UNC79: variants seen among roughly 807,000 people sequenced by gnomAD.
UNC79 encodes the protein protein unc-79 homolog.
A neutral mutation model predicts 283.1 loss-of-function variants in UNC79; 37 were observed. That is an observed-to-expected ratio of 0.13 (90% CI 0.10 to 0.17). The LOEUF is 0.17. Among genes scored for constraint, UNC79 ranks in the 10% least tolerant of loss-of-function variants. UNC79 has a pLI of 1.00. For synonymous variants in UNC79, 1,107 were observed against 1,200.2 expected (o/e 0.92, Z 1.61); for missense variants, 2,272 against 3,211.1 (o/e 0.71, Z 7.07).
intron 1 of UNC79, among the ~76,000 whole-genome samples, chr14:93,408,825 C>T (rs1186129202): frequency 1.3e-5 from 2 of 152,174 alleles, no homozygotes; most frequent in Non-Finnish European, 2.9e-5. Context: ...GAGGGGAAGA[C>T]AGGGTATATG....
chr14:93,632,800 A>G (rs537978643), intron 31 of UNC79, among the ~76,000 whole-genome samples: 85 of 152,322 alleles, frequency 5.6e-4, no homozygotes, highest in Admixed American at 1.3e-3. Context: ...AAATGAATTT[A>G]CAAATTACAA....
At chr14:93,659,987 C>T (rs1267491360) in intron 39 of UNC79, among the ~76,000 whole-genome samples, 1 of 152,132 alleles carries the variant, frequency 6.6e-6, no homozygotes, top group Non-Finnish European at 1.5e-5. Context: ...ATAGAGCTCT[C>T]TATAGTAGCA....
intron 1 of UNC79, among the ~76,000 whole-genome samples, chr14:93,340,559 A>G (rs2053686058): frequency 1.3e-5 from 2 of 149,496 alleles, no homozygotes; most frequent in African/African-American, 4.9e-5. Context: ...ACAGTTCACT[A>G]TGTAGGAGAA....
chr14:93,630,802 T>C (rs1487994301), exon 31 of UNC79: 1 of 1,613,208 alleles, frequency 6.2e-7, no homozygotes, highest in Non-Finnish European at 8.5e-7. Flanking sequence ...TGTTTGTAGA[T>C]CCTTCTACTA....
At chr14:93,339,483 T>C (rs1468961066) in intron 1 of UNC79, among the ~76,000 whole-genome samples, 2 of 152,158 alleles carry the variant, frequency 1.3e-5, no homozygotes, top group African/African-American at 4.8e-5. Context: ...GTATTTTTAG[T>C]AGAGACGGGA....
At chr14:93,693,189 T>C (rs908925521) in intron 46 of UNC79, among the ~76,000 whole-genome samples, 22 of 152,238 alleles carry the variant, frequency 1.4e-4, no homozygotes, top group African/African-American at 4.3e-4. Flanking sequence ...AGGAAGTTTA[T>C]GTGAAAATCT....
intron 38 of UNC79, among the ~76,000 whole-genome samples, chr14:93,657,689 C>CT (rs1424836311): frequency 2.0e-5 from 3 of 152,322 alleles, no homozygotes; most frequent in African/African-American, 4.8e-5. Flanking sequence ...GCCGATGTGA[C>CT]TGTCAGAAGA....
intron 14 of UNC79, among the ~76,000 whole-genome samples, chr14:93,554,546 T>G (rs1277345596): frequency 6.6e-6 from 1 of 152,154 alleles, no homozygotes; most frequent in East Asian, 1.9e-4. Context: ...CCTTTGCAAA[T>G]TTTTTGTTTA....
At position 93,572,088 on chromosome 14, in the gene UNC79, G is replaced by A. The variant is rs749400850; in HGVS notation, c.1946+4G>A. On this transcript the variant is annotated splice_donor_region_variant and intron_variant, in intron 15 of 48. Coordinates refer to ENST00000555664, the Ensembl canonical transcript of UNC79. ...AAGAATTCAGGGAAGTATTAAGGTG[G>A]GTAAGTAGTTTAATGAAGTCACTGT... The A allele has an allele frequency of 5.3e-5, 85 of 1,612,304 alleles. 2 individuals carry two copies. In the South Asian group the frequency reaches 8.6e-4, roughly 16 times the overall value.
intron 5 of UNC79, among the ~76,000 whole-genome samples, chr14:93,495,035 A>T (rs1237796584): frequency 6.6e-6 from 1 of 152,148 alleles, no homozygotes; most frequent in Non-Finnish European, 1.5e-5. Flanking sequence ...GGGAGAAAGT[A>T]TGTCTCAGAA....
At chr14:93,638,751 G>A (rs577039305) in intron 32 of UNC79, among the ~76,000 whole-genome samples, 25 of 152,300 alleles carry the variant, frequency 1.6e-4, no homozygotes, top group Admixed American at 1.4e-3. Flanking sequence ...GCAACTTGGG[G>A]GTGATAGGGA....
downstream of UNC79, chr14:93,706,985 TG>T (rs2075922185): frequency 6.6e-7 from 1 of 1,518,560 alleles, no homozygotes; most frequent in Non-Finnish European, 9.0e-7. Context: ...CCAAGCAGGT[TG>T]GGGAACATAT....
chr14:93,377,343 C>T (rs1345682174), intron 1 of UNC79, among the ~76,000 whole-genome samples: 2 of 152,082 alleles, frequency 1.3e-5, no homozygotes, highest in Non-Finnish European at 2.9e-5. Flanking sequence ...ATCCACCCGC[C>T]TCGGCCTCCC....
At chr14:93,573,869 G>A (rs979964813) in intron 16 of UNC79, among the ~76,000 whole-genome samples, 10 of 152,168 alleles carry the variant, frequency 6.6e-5, no homozygotes, top group Non-Finnish European at 1.2e-4. Context: ...GCTGGTCGTG[G>A]TGACGCACGC....
chr14:93,351,038 G>A (rs2053971978), intron 1 of UNC79, among the ~76,000 whole-genome samples: 1 of 151,974 alleles, frequency 6.6e-6, no homozygotes, highest in Non-Finnish European at 1.5e-5. Flanking sequence ...AACAGACTCT[G>A]TGTCTGATTA....
At chr14:93,685,038 A>G (rs2074131975) in intron 42 of UNC79, among the ~76,000 whole-genome samples, 1 of 152,226 alleles carries the variant, frequency 6.6e-6, no homozygotes. Flanking sequence ...TTTGTTTCCT[A>G]AGTATATATG....
intron 1 of UNC79, among the ~76,000 whole-genome samples, chr14:93,373,803 G>GA (rs1234605194): frequency 6.6e-6 from 1 of 152,046 alleles, no homozygotes; most frequent in African/African-American, 2.4e-5. Flanking sequence ...TATAAGAAAA[G>GA]AAAAAAACTA....
rs149316818 is a variant in UNC79, at chr14:93,626,364, C to T, written c.5608+3523C>T. ...AACTGTCTGTAGTCCTGTCTACACCCAGCCTTTCCACATGTGGACACGATT... is the reference window on the plus strand; with the variant it reads ...AACTGTCTGTAGTCCTGTCTACACCTAGCCTTTCCACATGTGGACACGATT... On this transcript the variant is annotated intron_variant, in intron 30 of 48. Coordinates refer to ENST00000555664, the Ensembl canonical transcript of UNC79. Among the ~76,000 whole-genome samples, 135 of 152,304 alleles carry T rather than the reference C, an allele frequency of 8.9e-4. 1 individual carries two copies. The highest frequency in any genetic ancestry group is 3.0e-3 in the African/African-American group (125 of 41,564).
intron 1 of UNC79, among the ~76,000 whole-genome samples, chr14:93,441,967 T>A (rs1447199412): frequency 6.6e-6 from 1 of 152,200 alleles, no homozygotes; most frequent in African/African-American, 2.4e-5. Flanking sequence ...TTTATAATAG[T>A]TTGCAACTTT....
Sources: gnomAD v4.1 joint callset for allele counts (sites outside exome capture counted in the v4.1 genomes callset) on GRCh38, gnomAD v4.1.1 for gene constraint, MANE v1.5 for transcripts, NCBI Gene and HGNC (gene_info 2026-07-23, HGNC 2026-07-21) for gene names.